The following IARS2 variants were observed in gnomAD, a reference collection of about 807,000 sequenced individuals.
IARS2 encodes the protein isoleucine--tRNA ligase, mitochondrial.
A neutral mutation model predicts 126.3 loss-of-function variants in IARS2; 56 were observed. The observed-to-expected ratio is 0.44, with a 90% CI of 0.36 to 0.55. IARS2 has a LOEUF of 0.55. IARS2 is among the 20% of genes least tolerant of loss of function. IARS2 has a pLI of 0.00. For synonymous variants in IARS2, 407 were observed against 441.1 expected, an observed-to-expected ratio of 0.92 and a Z score of 0.97; for missense variants, 1,127 against 1,245.9, an observed-to-expected ratio of 0.90 and a Z score of 1.44.
intron 14 of IARS2, among the ~76,000 whole-genome samples, chr1:220,132,901 G>A (rs1370852904): frequency 6.6e-6 from 1 of 151,906 alleles, no homozygotes. Flanking sequence ...CTAAAGATTT[G>A]TTTTCACTGC....
chr1:220,111,598 A>ATATATGTGTGTGTG (rs374024744), intron 11 of IARS2, among the ~76,000 whole-genome samples: 254 of 134,830 alleles, frequency 1.9e-3, no homozygotes, highest in Admixed American at 3.8e-3. Context: ...ATATATATAT[A>ATATATGTGTGTGTG]TGTGTGTGTG....
chr1:220,119,337 A>G (rs1286905441), intron 12 of IARS2, among the ~76,000 whole-genome samples: 1 of 152,114 alleles, frequency 6.6e-6, no homozygotes, highest in Non-Finnish European at 1.5e-5. Flanking sequence ...ATTAAGATGG[A>G]AGCATATAGA....
intron 2 of IARS2, among the ~76,000 whole-genome samples, chr1:220,099,236 T>G (rs61830430): frequency 8.4e-5 from 12 of 143,438 alleles, no homozygotes; most frequent in South Asian, 2.1e-4. Context: ...AAAAAAGAAA[T>G]AAATATAATG....
At chr1:220,115,686 T>C (rs771494305) in intron 12 of IARS2, among the ~76,000 whole-genome samples, 1 of 152,160 alleles carries the variant, frequency 6.6e-6, no homozygotes, top group African/African-American at 2.4e-5. Context: ...CCTTTTGTGC[T>C]TTTCGAAAGA....
intron 12 of IARS2, among the ~76,000 whole-genome samples, chr1:220,123,723 C>T (rs182539368): frequency 1.4e-4 from 22 of 152,168 alleles, no homozygotes; most frequent in African/African-American, 2.9e-4. Context: ...GTGATCCGCC[C>T]GCCTCAGCCT....
rs760599825 is a variant in IARS2, at chr1:220,105,923, C to T, written c.1099C>T (p.Pro367Ser). Residue 367 changes from proline to serine, a missense_variant, in exon 9 of 23, where the codon CCA becomes TCA. Transcript: ENST00000366922. ...TTTGGAAAATGGTACTTGCAGTCAT[C>T]CATTAATTCCTGATAAAGCCTCTCC... ...VDLENGTCSHPLIPDKASPLL... is the reference protein window; with the variant it reads ...VDLENGTCSHSLIPDKASPLL... 1 of 1,612,546 alleles carries T rather than the reference C, an allele frequency of 6.2e-7. No homozygotes were observed.
intron 14 of IARS2, among the ~76,000 whole-genome samples, chr1:220,127,976 T>C (rs1205560029): frequency 6.6e-6 from 1 of 152,180 alleles, no homozygotes; most frequent in African/African-American, 2.4e-5. Context: ...ATTACAGTCA[T>C]GTGTTATATA....
Position 220,137,850 on chromosome 1 carries a change from T to C in IARS2, c.2050-68T>C, listed in dbSNP as rs931263338. 7.6e-6 allele frequency: 12 copies of C among 1,575,354 alleles called. No individual in the cohort carries two copies. The African/African-American group carries it at 1.5e-4, about 20-fold the overall frequency. On this transcript the variant is annotated intron_variant, in intron 16 of 22. Transcript: ENST00000366922. ...AAAATATCTGAATAGGAGCTTTACCTAAAACATTTGTTCGGCTAATTGGAA... is the reference window on the plus strand; with the variant it reads ...AAAATATCTGAATAGGAGCTTTACCCAAAACATTTGTTCGGCTAATTGGAA...
In IARS2 at chr1:220,110,811, G is replaced by T. The variant is rs760797075; in HGVS notation, c.1353G>T (p.Lys451Asn). Residue 451 changes from lysine to asparagine, a missense_variant, in exon 11 of 23, where the codon AAG becomes AAT. Transcript: ENST00000366922. Reference protein sequence around the residue: ...DVVIKMLQTAKNLLKEEKLVH... With the variant: ...DVVIKMLQTANNLLKEEKLVH... Reference sequence around the variant, plus strand: ...TTATAAAGATGCTTCAGACTGCAAAGAATTTGTTGAAAGAGGAGAAATTGG... The same window carrying T: ...TTATAAAGATGCTTCAGACTGCAAATAATTTGTTGAAAGAGGAGAAATTGG... 5 of 1,609,174 alleles carry T rather than the reference G, an allele frequency of 3.1e-6. No individual in the cohort carries two copies. Among genetic ancestry groups the T allele is most frequent in the Non-Finnish European group, 4.2e-6 (5 of 1,176,498 alleles).
At chr1:220,114,165 T>G in intron 11 of IARS2, 149 bp from the exon 12 acceptor site, 1 of 646,854 alleles carries the variant, frequency 1.5e-6, no homozygotes, top group Admixed American at 3.0e-5. Context: ...AATCTTTTAG[T>G]TCTTTAGTTG....
chr1:220,120,381 C>CTT (rs545771444), intron 12 of IARS2, among the ~76,000 whole-genome samples: 6 of 137,530 alleles, frequency 4.4e-5, no homozygotes, highest in Admixed American at 2.2e-4. Flanking sequence ...CGCGCCCGGC[C>CTT]TTTTTTTTTT....
At chr1:220,118,687 A>C (rs1409006425) in intron 12 of IARS2, among the ~76,000 whole-genome samples, 1 of 152,152 alleles carries the variant, frequency 6.6e-6, no homozygotes, top group Non-Finnish European at 1.5e-5. Context: ...TAACATAGTG[A>C]AACTTAGCCC....
intron 10 of IARS2, among the ~76,000 whole-genome samples, chr1:220,108,828 A>AGGTCTTAAAT (rs1239594568): frequency 5.2e-5 from 6 of 115,144 alleles, no homozygotes; most frequent in African/African-American, 2.1e-4. Context: ...CACCTTCTTT[A>AGGTCTTAAAT]GGTCTTAAAT....
intron 14 of IARS2, 61 bp downstream of exon 14, chr1:220,126,904 T>C (rs1657166955): frequency 1.7e-6 from 2 of 1,176,606 alleles, no homozygotes; most frequent in Middle Eastern, 2.0e-4. Context: ...AATTGGTATT[T>C]AGAAGGGATC....
chr1:220,145,765 T>G, intron 22 of IARS2, 112 bp downstream of exon 22: 2 of 808,924 alleles, frequency 2.5e-6, no homozygotes, highest in Non-Finnish European at 3.6e-6. Flanking sequence ...ATACTTGGAA[T>G]ACATCTTTCT....
intron 21 of IARS2, chr1:220,143,838 CT>C (rs1657534437): frequency 1.7e-6 from 1 of 573,422 alleles, no homozygotes; most frequent in African/African-American, 1.9e-5. Flanking sequence ...GCCAGATTGG[CT>C]TATAGCTTAA....
At chr1:220,144,368 A>T (rs1657548534) in intron 21 of IARS2, 1 of 644,178 alleles carries the variant, frequency 1.6e-6, no homozygotes, top group Admixed American at 2.6e-5. Flanking sequence ...GTGCAGAAAG[A>T]CGGTGGAAGA....
Position 220,136,792 on chromosome 1 carries a change from C to CTGAT in IARS2, c.1947-15_1947-12dup. On this transcript the variant is annotated splice_polypyrimidine_tract_variant and intron_variant, in intron 15 of 22. Coordinates refer to ENST00000366922, the MANE Select transcript of IARS2 (RefSeq NM_018060.4). ...ATAATTGTGTTTATCATTAAAATAG[C>CTGAT]TGATTTGTCCCTTTAGGACAGTGAT... 7.7e-7 allele frequency: 1 copy of CTGAT among 1,297,134 alleles called. No homozygotes were observed. 80.4% of individuals were successfully genotyped at this position (1,297,134 alleles called of 1,614,324 possible). A position where few individuals can be genotyped will look rare whatever the true frequency, so the allele number is the denominator to read the frequency against.
At position 220,103,521 on chromosome 1, in the gene IARS2, C is replaced by T; in HGVS notation, c.1025C>T (p.Ser342Phe). Reference sequence around the variant, plus strand: ...GCAGATAAAGTAGCATCTGTTGCTTCTACTTTGGAAACAACATTTGAGACT... The same window carrying T: ...GCAGATAAAGTAGCATCTGTTGCTTTTACTTTGGAAACAACATTTGAGACT... ...LAADKVASVA[S>F]TLETTFETIS... The change falls in exon 8 of 23, where the codon TCT (serine) becomes TTT (phenylalanine). Residue 342 changes from serine (S) to phenylalanine (F), a missense_variant. Ser to Phe is a radical substitution (Grantham distance 155, BLOSUM62 -2). Transcript: ENST00000366922. 2 of 1,613,398 alleles carry T rather than the reference C, an allele frequency of 1.2e-6. No homozygotes were observed. The highest frequency in any genetic ancestry group is 1.7e-6 in the Non-Finnish European group (2 of 1,179,468).
Sources: allele counts gnomAD v4.1 joint callset (sites outside exome capture counted in the v4.1 genomes callset), GRCh38; gene constraint gnomAD v4.1.1; transcripts MANE v1.5; gene names NCBI Gene and HGNC (gene_info 2026-07-23, HGNC 2026-07-21).